Variants in BCOR observed in about 807,000 individuals in gnomAD.
The protein encoded by BCOR is BCL-6 corepressor.
Under a neutral mutation model 86.7 loss-of-function variants are expected in BCOR, and 10 were observed. The observed-to-expected ratio is 0.12, with a 90% confidence interval of 0.07 to 0.20. The LOEUF is 0.20. BCOR is among the 10% of genes least tolerant of loss of function. The probability of loss-of-function intolerance (pLI) is 1.00; values close to 1 mark genes in which losing one functional copy is unlikely to be tolerated. For missense variants in BCOR, 1,259 were observed against 1,452.1 expected, an observed-to-expected ratio of 0.87 and a Z score of 2.16; for synonymous variants, 611 against 609.0, an observed-to-expected ratio of 1.00 and a Z score of -0.05.
intron 4 of BCOR, 61 bp downstream of exon 4, chrX:40,072,288 G>A (rs1466247804): frequency 2.7e-6 from 3 of 1,119,888 alleles, no homozygotes; most frequent in Non-Finnish European, 3.6e-6. Flanking sequence ...CCCCAATCCT[G>A]TTTACACATT....
upstream of BCOR, among the ~76,000 whole-genome samples, chrX:40,098,848 T>C (rs781453620): frequency 2.7e-5 from 3 of 111,506 alleles, no homozygotes; most frequent in Non-Finnish European, 3.8e-5. Flanking sequence ...TGTGTGGGAA[T>C]TGTTTGGAGG....
intron 1 of BCOR, among the ~76,000 whole-genome samples, chrX:40,171,498 G>A (rs578207394): frequency 1.4e-5 from 1 of 73,371 alleles, no homozygotes; most frequent in Non-Finnish European, 2.5e-5. Flanking sequence ...AATCCCCATG[G>A]GGGGGGGGCG....
chrX:40,134,384 G>A (rs1937640476), intron 1 of BCOR, among the ~76,000 whole-genome samples: 2 of 111,988 alleles, frequency 1.8e-5, no homozygotes, highest in African/African-American at 6.5e-5. Context: ...AGTACTTTGG[G>A]AGGCTGAGGC....
chrX:40,150,803 C>T (rs7050025), intron 1 of BCOR, among the ~76,000 whole-genome samples: 2,106 of 112,073 alleles, frequency 0.019, 44 homozygotes, highest in African/African-American at 0.065. Flanking sequence ...AGTTCTACCA[C>T]GAGGAAAAGC....
At chrX:40,109,938 G>GC (rs933551039) in intron 1 of BCOR, among the ~76,000 whole-genome samples, 12 of 112,372 alleles carry the variant, frequency 1.1e-4, no homozygotes, top group Non-Finnish European at 2.1e-4. Context: ...GGGTTCCGCG[G>GC]CCCCCCGGGC....
At chrX:40,125,249 T>C (rs1211968930) in intron 1 of BCOR, among the ~76,000 whole-genome samples, 1 of 110,895 alleles carries the variant, frequency 9.0e-6, no homozygotes, top group Non-Finnish European at 1.9e-5. Context: ...ATGGGAGAAA[T>C]TGACTGTGGA....
chrX:40,073,187 A>C lies in BCOR; in HGVS notation c.2159T>G (p.Leu720Arg). Residue 720 changes from leucine to arginine, a missense_variant, in exon 4 of 15, where the codon CTG (leucine) becomes CGG (arginine). Leu to Arg is a moderately radical substitution (Grantham distance 102, BLOSUM62 -2). Around this residue, in one of 7 missense-constraint regions of BCOR, gnomAD observed 534 missense variants for 594.8 expected, o/e 0.90. Coordinates refer to ENST00000378444, the MANE Select transcript of BCOR (RefSeq NM_001123385.2). ...RPEFVTYQDALGLGMVHPMLI... is the reference protein window; with the variant it reads ...RPEFVTYQDARGLGMVHPMLI... ...CATGGGATGCACCATGCCCAACCCC[A>C]GGGCATCTTGGTAGGTCACAAACTC... The C allele has an allele frequency of 1.7e-6, 2 of 1,211,966 alleles. No individual in the cohort carries two copies. The highest frequency in any genetic ancestry group is 2.2e-6 in the Non-Finnish European group (2 of 895,493).
intron 1 of BCOR, among the ~76,000 whole-genome samples, chrX:40,171,229 C>A (rs1375038860): frequency 8.9e-6 from 1 of 112,198 alleles, no homozygotes; most frequent in Non-Finnish European, 1.9e-5. Flanking sequence ...TGGAGGCAAC[C>A]CCGACAGCCC....
At chrX:40,089,452 A>G (rs943526599) in intron 1 of BCOR, among the ~76,000 whole-genome samples, 27 of 111,739 alleles carry the variant, frequency 2.4e-4, no homozygotes, top group African/African-American at 8.8e-4. Context: ...TTATGTACCC[A>G]AGAACGAGGC....
intron 1 of BCOR, among the ~76,000 whole-genome samples, chrX:40,083,570 G>A (rs760442403): frequency 1.1e-4 from 12 of 111,910 alleles, no homozygotes; most frequent in Non-Finnish European, 1.9e-5. Flanking sequence ...ACTTGGCCCC[G>A]GCGAAGAAGA....
intron 12 of BCOR, among the ~76,000 whole-genome samples, chrX:40,055,035 A>G (rs1237305638): frequency 1.8e-5 from 2 of 112,285 alleles, no homozygotes; most frequent in Non-Finnish European, 3.8e-5. Context: ...ATGACCTAAC[A>G]CCATAAACCT....
intron 1 of BCOR, among the ~76,000 whole-genome samples, chrX:40,153,282 G>T (rs961408045): frequency 8.9e-6 from 1 of 112,742 alleles, no homozygotes; most frequent in Non-Finnish European, 1.9e-5. Flanking sequence ...CTTGGGGTGC[G>T]CGAGGAAGCA....
At chrX:40,061,989 G>C (rs1326260465) in intron 10 of BCOR, 150 bp downstream of exon 10, 4 of 712,587 alleles carry the variant, frequency 5.6e-6, no homozygotes, top group Admixed American at 2.8e-5. Context: ...AGTGAGAGTG[G>C]GGCTAACACA....
chrX:40,144,769 C>G (rs1255014433), intron 1 of BCOR, among the ~76,000 whole-genome samples: 3 of 109,517 alleles, frequency 2.7e-5, no homozygotes, highest in African/African-American at 1.0e-4. Flanking sequence ...GTGAACGGCT[C>G]AGTCTCTGTT....
intron 1 of BCOR, among the ~76,000 whole-genome samples, chrX:40,132,861 T>A (rs1479179430): frequency 2.7e-5 from 3 of 111,957 alleles, no homozygotes; most frequent in Non-Finnish European, 5.6e-5. Flanking sequence ...TGCGTCAGAG[T>A]CAGCAGTGGC....
intron 1 of BCOR, among the ~76,000 whole-genome samples, chrX:40,111,380 T>C (rs983597662): frequency 8.9e-6 from 1 of 112,064 alleles, no homozygotes; most frequent in Non-Finnish European, 1.9e-5. Flanking sequence ...AAGAGGTGTC[T>C]CCATCCATGT....
intron 1 of BCOR, among the ~76,000 whole-genome samples, chrX:40,093,561 C>A (rs1232055293): frequency 8.9e-6 from 1 of 112,362 alleles, no homozygotes; most frequent in Non-Finnish European, 1.9e-5. Flanking sequence ...TATACACACA[C>A]AAACGATGGA....
intron 1 of BCOR, among the ~76,000 whole-genome samples, chrX:40,091,632 G>A (rs1265184543): frequency 8.8e-6 from 1 of 113,342 alleles, no homozygotes; most frequent in African/African-American, 3.2e-5. Flanking sequence ...CACGTTGAGG[G>A]CAACCAGAGA....
chrX:40,058,103 T>C (rs1934689817), intron 10 of BCOR, among the ~76,000 whole-genome samples: 1 of 112,460 alleles, frequency 8.9e-6, no homozygotes, highest in Admixed American at 9.4e-5. Context: ...CCTACGCATT[T>C]CAAGAACTAA....
Sources: gnomAD v4.1 joint callset for allele counts (sites outside exome capture counted in the v4.1 genomes callset) on GRCh38, gnomAD v4.1.1 for gene constraint, gnomAD v4.1.1 regional missense constraint, MANE v1.5 for transcripts, NCBI Gene and HGNC (gene_info 2026-07-23, HGNC 2026-07-21) for gene names.